The following PIEZO2 variants were observed in gnomAD, a reference collection of about 807,000 sequenced individuals.
The protein encoded by PIEZO2 is piezo-type mechanosensitive ion channel component 2.
PIEZO2 carries 172 observed loss-of-function variants against 337.3 expected under a neutral mutation model. The observed-to-expected ratio is 0.51, with a 90% CI of 0.45 to 0.58. PIEZO2 has a LOEUF of 0.58. Ranked by LOEUF, PIEZO2 falls within the 20% of genes least tolerant of loss-of-function variation. The pLI is 0.00. For missense variants in PIEZO2, 3,028 were observed against 3,391.3 expected, an observed-to-expected ratio of 0.89 and a Z score of 2.66; for synonymous variants, 1,251 against 1,228.5, an observed-to-expected ratio of 1.02 and a Z score of -0.38.
Position 10,837,011 on chromosome 18 carries a change from T to G in PIEZO2, c.917+18342A>C, listed in dbSNP as rs2144579674. 6.6e-6 allele frequency among the ~76,000 whole-genome samples: 1 copy of G among 152,348 alleles called. No homozygotes were observed. The highest frequency in any genetic ancestry group is 6.5e-5 in the Admixed American group (1 of 15,300). ...GGATACTCACAACTGTGGTTTGGTT[T>G]CAGCAAAACACACATTCTTCTATTG... On this transcript the variant is annotated intron_variant, in intron 7 of 55. Coordinates refer to ENST00000674853, the MANE Select transcript of PIEZO2 (RefSeq NM_001378183.1). The surrounding 1 kb of genome is among the most constrained non-coding windows in gnomAD (Gnocchi z 4.4).
At chr18:10,857,997 CTTTCTTTCTTTT>C (rs1299270017) in intron 5 of PIEZO2, among the ~76,000 whole-genome samples, 1 of 128,482 alleles carries the variant, frequency 7.8e-6, no homozygotes, top group African/African-American at 3.4e-5. Context: ...TTTTTTCTTT[CTTTCTTTCTTTT>C]TTTTTTTTTT....
chr18:11,050,744 C>T (rs2037493961), intron 2 of PIEZO2, among the ~76,000 whole-genome samples: 2 of 151,364 alleles, frequency 1.3e-5, no homozygotes, highest in Admixed American at 1.3e-4. Context: ...TCCCTTCCTA[C>T]CCCTTTCTAA....
At chr18:10,886,027 C>A (rs1014881793) in intron 4 of PIEZO2, among the ~76,000 whole-genome samples, 1 of 151,668 alleles carries the variant, frequency 6.6e-6, no homozygotes, top group Non-Finnish European at 1.5e-5. Context: ...GAAAACCTCA[C>A]GCAAAAGAGA....
At chr18:11,041,513 G>A (rs2037120737) in intron 2 of PIEZO2, among the ~76,000 whole-genome samples, 2 of 152,138 alleles carry the variant, frequency 1.3e-5, no homozygotes, top group Non-Finnish European at 2.9e-5. Flanking sequence ...CACTTTCATT[G>A]TTTGTAAAGG....
intron 2 of PIEZO2, among the ~76,000 whole-genome samples, chr18:11,006,801 T>C (rs970379098): frequency 6.6e-6 from 1 of 152,178 alleles, no homozygotes; most frequent in African/African-American, 2.4e-5. Flanking sequence ...ATGAAGTATG[T>C]TCTTAGTAAA....
chr18:10,841,339 G>A (rs905307830), intron 7 of PIEZO2, among the ~76,000 whole-genome samples: 1 of 152,066 alleles, frequency 6.6e-6, no homozygotes, highest in Non-Finnish European at 1.5e-5. Context: ...GTGCTGGGAG[G>A]GAAACCCAGA....
At chr18:10,968,466 A>G (rs1643777887) in intron 3 of PIEZO2, among the ~76,000 whole-genome samples, 1 of 152,076 alleles carries the variant, frequency 6.6e-6, no homozygotes, top group Admixed American at 6.6e-5. Context: ...TTTTAGGAAT[A>G]TTTTCTAGCT....
intron 2 of PIEZO2, among the ~76,000 whole-genome samples, chr18:11,036,058 A>G (rs922290897): frequency 6.6e-6 from 1 of 152,172 alleles, no homozygotes; most frequent in Non-Finnish European, 1.5e-5. Flanking sequence ...AATCTGACCT[A>G]ATTAGAGGCC....
At position 10,957,414 on chromosome 18, in the gene PIEZO2, A is replaced by AAAAC. The variant is rs1453164959; in HGVS notation, c.286+22120_286+22121insGTTT. Reference sequence around the variant, plus strand: ...GTCTCAAAACAAACCAACAAAAAAAAAACAAAGCAACAACAACAACAAAAA... The same window carrying AAAAC: ...GTCTCAAAACAAACCAACAAAAAAAAAAACAACAAAGCAACAACAACAACAAAAA... On this transcript the variant is annotated intron_variant, in intron 3 of 55. Transcript: ENST00000674853. 1.5e-3 allele frequency among the ~76,000 whole-genome samples: 231 copies of AAAAC among 151,780 alleles called. 2 individuals are homozygous for AAAAC. Among genetic ancestry groups the AAAAC allele is most frequent in the African/African-American group, 5.4e-3 (221 of 41,296 alleles).
rs2035183483 is a variant in PIEZO2, at chr18:10,993,439, A to G, written c.161-13779T>C. ...CATGAAGGGGTGTTGAATTTTGTTG[A>G]AAGCCTTTTCTGCATCTATTGAGAT... On this transcript the variant is annotated intron_variant, in intron 2 of 55. Transcript: ENST00000674853. This position sits in a 1 kb window ranked among gnomAD's most constrained non-coding sequence, Gnocchi z 5.0. Among the ~76,000 whole-genome samples, 1 of 152,174 alleles carries G rather than the reference A, an allele frequency of 6.6e-6. No individual in the cohort carries two copies. Among genetic ancestry groups the G allele is most frequent in the Non-Finnish European group, 1.5e-5 (1 of 68,040 alleles).
At chr18:10,761,274 G>A (rs1337055455) in intron 23 of PIEZO2, among the ~76,000 whole-genome samples, 163 bp from the exon 24 acceptor site, 1 of 152,154 alleles carries the variant, frequency 6.6e-6, no homozygotes, top group Non-Finnish European at 1.5e-5. Flanking sequence ...CTTATTTATT[G>A]TGGCATTATC....
chr18:11,029,058 A>C (rs1361686759), intron 2 of PIEZO2, among the ~76,000 whole-genome samples: 2 of 152,214 alleles, frequency 1.3e-5, no homozygotes, highest in Non-Finnish European at 2.9e-5. Flanking sequence ...GTAATAGCAA[A>C]AAATTAATTG....
At position 10,973,848 on chromosome 18, in the gene PIEZO2, C is replaced by T. The variant is rs1398285939; in HGVS notation, c.286+5687G>A. Among the ~76,000 whole-genome samples the T allele has an allele frequency of 3.3e-5, 5 of 152,162 alleles. No individual in the cohort carries two copies. The highest frequency in any genetic ancestry group is 7.3e-5 in the Non-Finnish European group (5 of 68,032). Reference sequence around the variant, plus strand: ...GAGTTTGCTTTTATATATTTTGTCTCCCATTTCGTACTTATTAGCTCTTTT... The same window carrying T: ...GAGTTTGCTTTTATATATTTTGTCTTCCATTTCGTACTTATTAGCTCTTTT... On this transcript the variant is annotated intron_variant, in intron 3 of 55. Coordinates refer to ENST00000674853, the MANE Select transcript of PIEZO2 (RefSeq NM_001378183.1). This position sits in a 1 kb window ranked among gnomAD's most constrained non-coding sequence, Gnocchi z 4.9.
In PIEZO2 at chr18:10,682,425, G is replaced by T; in HGVS notation, c.7498-133C>A. Reference sequence around the variant, plus strand: ...ATTTGGCCCTGAATCTTCTCTGTTCGCTCTGAAATGGGGATAGCAACCTTG... The same window carrying T: ...ATTTGGCCCTGAATCTTCTCTGTTCTCTCTGAAATGGGGATAGCAACCTTG... On this transcript the variant is annotated intron_variant, in intron 49 of 55. Transcript: ENST00000674853. This position sits in a 1 kb window ranked among gnomAD's most constrained non-coding sequence, Gnocchi z 5.6. 1.3e-6 allele frequency: 1 copy of T among 787,838 alleles called. No individual in the cohort carries two copies. The allele number at this position is 787,838 out of a possible 1,614,324, so 48.8% of individuals were successfully genotyped here. A position where few individuals can be genotyped will look rare whatever the true frequency, so the allele number is the denominator to read the frequency against.
At chr18:10,753,793 T>C (rs1273350525) in intron 27 of PIEZO2, among the ~76,000 whole-genome samples, 1 of 152,194 alleles carries the variant, frequency 6.6e-6, no homozygotes, top group Non-Finnish European at 1.5e-5. Flanking sequence ...CTTGGTACAT[T>C]TTTCAGATAA....
chr18:11,104,560 C>T lies in PIEZO2; in HGVS notation c.65-38338G>A, dbSNP rs1419050523. Among the ~76,000 whole-genome samples the T allele has an allele frequency of 6.6e-6, 1 of 152,168 alleles. No homozygotes were observed. Among genetic ancestry groups the T allele is most frequent in the African/African-American group, 2.4e-5 (1 of 41,444 alleles). ...GCCATCTGAAGTCTGAAGTCCTGCC[C>T]AAGCAGACTGGCTAGAAGGGCTGCC... is the stretch of plus-strand genomic sequence containing the variant. On this transcript the variant is annotated intron_variant, in intron 1 of 55. Coordinates refer to ENST00000674853, the MANE Select transcript of PIEZO2 (RefSeq NM_001378183.1). This position sits in a 1 kb window ranked among gnomAD's most constrained non-coding sequence, Gnocchi z 4.6.
At chr18:10,740,469 A>G (rs2037173561) in intron 33 of PIEZO2, 1 of 153,034 alleles carries the variant, frequency 6.5e-6, no homozygotes, top group South Asian at 2.1e-4. Context: ...GTGCATTTTA[A>G]GTTATCCCTC....
rs556394558 is a variant in PIEZO2, at chr18:11,112,692, T to C, written c.64+35833A>G. Among the ~76,000 whole-genome samples, 68 of 152,330 alleles carry C rather than the reference T, an allele frequency of 4.5e-4. No homozygotes were observed. Among genetic ancestry groups the C allele is most frequent in the African/African-American group, 1.5e-3 (62 of 41,572 alleles). On this transcript the variant is annotated intron_variant, in intron 1 of 55. Coordinates refer to ENST00000674853, the MANE Select transcript of PIEZO2 (RefSeq NM_001378183.1). This position sits in a 1 kb window ranked among gnomAD's most constrained non-coding sequence, Gnocchi z 4.3. Reference sequence around the variant, plus strand: ...ACAGAAACAAACCTATATAACTTTCTGAAAATAATGCAAGTGACACCTGGT... The same window carrying C: ...ACAGAAACAAACCTATATAACTTTCCGAAAATAATGCAAGTGACACCTGGT...
intron 17 of PIEZO2, among the ~76,000 whole-genome samples, chr18:10,780,986 A>G (rs2038961189): frequency 6.6e-6 from 1 of 151,922 alleles, no homozygotes; most frequent in Non-Finnish European, 1.5e-5. Context: ...TATGAAATAA[A>G]ATATAATTTA....
Sources: allele counts gnomAD v4.1 joint callset (sites outside exome capture counted in the v4.1 genomes callset), GRCh38; gene constraint gnomAD v4.1.1; non-coding constraint Gnocchi (gnomAD v3.1); transcripts MANE v1.5; gene names NCBI Gene and HGNC (gene_info 2026-07-23, HGNC 2026-07-21).